MYO5B: variants seen among roughly 807,000 people sequenced by gnomAD.
MYO5B encodes the protein unconventional myosin-Vb.
MYO5B carries 143 observed loss-of-function variants against 229.3 expected under a neutral mutation model. The observed-to-expected ratio is 0.62, with a 90% CI of 0.54 to 0.72. MYO5B has a LOEUF of 0.72. MYO5B is among the 30% of genes least tolerant of loss of function. The pLI, the probability that MYO5B is intolerant of heterozygous loss-of-function variation, is 0.00. For synonymous variants in MYO5B, 918 were observed against 885.2 expected (o/e 1.04, Z -0.66); for missense variants, 2,321 against 2,331.0 (o/e 1.00, Z 0.09).
chr18:50,114,789 C>T (rs774683737), intron 1 of MYO5B, among the ~76,000 whole-genome samples: 97 of 152,170 alleles, frequency 6.4e-4, no homozygotes, highest in Non-Finnish European at 1.2e-3. Context: ...ACCAGTAATG[C>T]TGGTGTTACC....
At chr18:49,960,965 G>A (rs1407393620) in intron 12 of MYO5B, among the ~76,000 whole-genome samples, 1 of 152,190 alleles carries the variant, frequency 6.6e-6, no homozygotes, top group African/African-American at 2.4e-5. Context: ...CAGAGGCCTG[G>A]GTTGGACACA....
chr18:50,066,412 T>C (rs993514083), intron 1 of MYO5B, among the ~76,000 whole-genome samples: 3 of 152,204 alleles, frequency 2.0e-5, no homozygotes, highest in Non-Finnish European at 2.9e-5. Context: ...GAAATACTTA[T>C]ACAGTTTTGA....
chr18:49,910,164 G>C (rs2024941915), intron 18 of MYO5B, among the ~76,000 whole-genome samples: 1 of 152,212 alleles, frequency 6.6e-6, no homozygotes, highest in Admixed American at 6.5e-5. Context: ...GAAAGGCCCA[G>C]TGTCCTGAGC....
intron 34 of MYO5B, among the ~76,000 whole-genome samples, chr18:49,842,576 C>T (rs956431974): frequency 6.6e-6 from 1 of 152,252 alleles, no homozygotes; most frequent in African/African-American, 2.4e-5. Context: ...ACTGAGGGTT[C>T]ATCTCCCTCA....
chr18:50,085,546 C>A lies in MYO5B; in HGVS notation c.28-30168G>T, dbSNP rs551132661. On this transcript the variant is annotated intron_variant, in intron 1 of 39. Coordinates refer to ENST00000285039, the MANE Select transcript of MYO5B (RefSeq NM_001080467.3). ...TCTAGAACTAGAAATACCATTTGAC[C>A]CAGCCATCCCATTACTGGGTATATA... Among the ~76,000 whole-genome samples, 53 of 152,068 alleles carry A rather than the reference C, an allele frequency of 3.5e-4. No individual in the cohort carries two copies. The South Asian group carries it at 4.0e-3, about 11-fold the overall frequency.
intron 14 of MYO5B, among the ~76,000 whole-genome samples, chr18:49,938,214 A>G (rs1056446786): frequency 2.6e-5 from 4 of 152,180 alleles, no homozygotes; most frequent in African/African-American, 9.7e-5. Context: ...CAGAATAGGG[A>G]TAAGCCTATG....
At chr18:49,912,224 C>T (rs769809237) in intron 17 of MYO5B, 51 bp from the exon 18 acceptor site, 7 of 1,420,436 alleles carry the variant, frequency 4.9e-6, no homozygotes, top group Non-Finnish European at 7.0e-6. Context: ...CTCTTGGCCA[C>T]ACAAAAGCCA....
chr18:50,003,569 C>T (rs1426702638), intron 4 of MYO5B, among the ~76,000 whole-genome samples: 1 of 152,154 alleles, frequency 6.6e-6, no homozygotes, highest in African/African-American at 2.4e-5. Flanking sequence ...ATTATCAAGT[C>T]CTTAGAGAAC....
At chr18:50,183,263 C>T (rs2033098017) in intron 1 of MYO5B, among the ~76,000 whole-genome samples, 1 of 145,232 alleles carries the variant, frequency 6.9e-6, no homozygotes, top group Non-Finnish European at 1.5e-5. Flanking sequence ...TTATTCTAGA[C>T]TGTTTTCTTT....
chr18:49,921,764 C>T (rs892109861), intron 17 of MYO5B, among the ~76,000 whole-genome samples: 2 of 152,098 alleles, frequency 1.3e-5, no homozygotes, highest in South Asian at 2.1e-4. Flanking sequence ...GGAACTCTGC[C>T]GAAAAAGCCC....
chr18:50,083,674 G>T (rs111500814), intron 1 of MYO5B, among the ~76,000 whole-genome samples: 2 of 152,288 alleles, frequency 1.3e-5, no homozygotes, highest in African/African-American at 4.8e-5. Context: ...TTAATTCAGA[G>T]CCTCAGAGGG....
At chr18:49,992,880 A>C (rs1222863826) in intron 5 of MYO5B, among the ~76,000 whole-genome samples, 2 of 152,204 alleles carry the variant, frequency 1.3e-5, no homozygotes, top group African/African-American at 4.8e-5. Flanking sequence ...TTTCTGGAAA[A>C]AAACAAACAA....
intron 1 of MYO5B, among the ~76,000 whole-genome samples, chr18:50,078,792 C>T (rs1234932495): frequency 6.6e-6 from 1 of 151,726 alleles, no homozygotes; most frequent in Non-Finnish European, 1.5e-5. Context: ...AAGTACAAGA[C>T]TATGCCCAGC....
At chr18:50,007,101 G>A (rs1284131511) in intron 4 of MYO5B, among the ~76,000 whole-genome samples, 1 of 152,094 alleles carries the variant, frequency 6.6e-6, no homozygotes, top group Admixed American at 6.5e-5. Flanking sequence ...CAAACACCAG[G>A]TTCTATCACC....
In MYO5B at chr18:49,904,756, G is replaced by A. The variant is rs748426085; in HGVS notation, c.2487C>T (p.Arg829=). 5 of 1,613,904 alleles carry A rather than the reference G, an allele frequency of 3.1e-6. No individual in the cohort carries two copies. The highest frequency in any genetic ancestry group is 2.2e-5 in the East Asian group (1 of 44,886). The change falls in exon 20 of 40, where the codon CGC becomes CGT. Residue 829 remains arginine (R), a synonymous_variant. Transcript: ENST00000285039. ...LQKHYRMQRA[R]QAYQRVRRAA... ...CTCTGCGGACCCTCTGGTAGGCCTG[G>A]CGGGCCCTCTGCATGCGGTAATGTT...
rs375771273 is a variant in MYO5B, at chr18:49,864,171, G to T, written c.3813C>A (p.Ala1271=). The change falls in exon 28 of 40, where the codon GCC becomes GCA. Residue 1271 remains alanine (A), a synonymous_variant. Coordinates refer to ENST00000285039, the MANE Select transcript of MYO5B (RefSeq NM_001080467.3). The part of the protein sequence containing the change: ...VLILRTQIVS[A]DQRRLAGRNA... Reference sequence around the variant, plus strand: ...TCCTGCCGGCGAGTCGCCGCTGGTCGGCGCTCACGATCTGGGTCCTGAGGA... The same window carrying T: ...TCCTGCCGGCGAGTCGCCGCTGGTCTGCGCTCACGATCTGGGTCCTGAGGA... 2.0e-5 allele frequency: 32 copies of T among 1,611,296 alleles called. No homozygotes were observed. Among genetic ancestry groups the T allele is most frequent in the Non-Finnish European group, 2.5e-5 (30 of 1,179,988 alleles).
chr18:50,040,676 T>C (rs1294495847), intron 2 of MYO5B, among the ~76,000 whole-genome samples: 1 of 152,192 alleles, frequency 6.6e-6, no homozygotes, highest in East Asian at 1.9e-4. Flanking sequence ...TGGTACTTCA[T>C]ACACTCTCCC....
intron 1 of MYO5B, among the ~76,000 whole-genome samples, chr18:50,120,182 C>T (rs1349153344): frequency 6.6e-6 from 1 of 152,176 alleles, no homozygotes; most frequent in Non-Finnish European, 1.5e-5. Flanking sequence ...AATTTTAATG[C>T]CTTTTGGGGG....
At chr18:49,930,716 C>A (rs1465128892) in intron 16 of MYO5B, among the ~76,000 whole-genome samples, 2 of 151,980 alleles carry the variant, frequency 1.3e-5, no homozygotes, top group African/African-American at 2.4e-5. Flanking sequence ...CACGGTGAAA[C>A]CCCATCTCTA....
Sources: gnomAD v4.1 joint callset for allele counts (sites outside exome capture counted in the v4.1 genomes callset) on GRCh38, gnomAD v4.1.1 for gene constraint, MANE v1.5 for transcripts, NCBI Gene and HGNC (gene_info 2026-07-23, HGNC 2026-07-21) for gene names.